The following CADPS variants were observed in gnomAD, a reference collection of about 807,000 sequenced individuals.
CADPS encodes the protein calcium-dependent secretion activator 1.
In CADPS, 57 loss-of-function variants were observed where a neutral mutation model predicts 167.3. The observed-to-expected ratio is 0.34, with a 90% CI of 0.28 to 0.42. The LOEUF (loss-of-function observed/expected upper bound fraction) is 0.42. Among genes scored for constraint, CADPS ranks in the 20% least tolerant of loss-of-function variants. The pLI is 1.00. For missense variants in CADPS, 1,414 were observed against 1,738.1 expected, an observed-to-expected ratio of 0.81 and a Z score of 3.32; for synonymous variants, 676 against 635.3, an observed-to-expected ratio of 1.06 and a Z score of -0.96.
rs148136386 is a variant in CADPS at position 62,823,098 on chromosome 3, A to G, written c.441+51491T>C. Among the ~76,000 whole-genome samples the G allele has an allele frequency of 2.7e-3, 405 of 152,300 alleles. 4 individuals carry two copies. Among genetic ancestry groups the G allele is most frequent in the African/African-American group, 9.5e-3 (393 of 41,572 alleles). On this transcript the variant is annotated intron_variant, in intron 1 of 29. Coordinates refer to ENST00000383710, the MANE Select transcript of CADPS (RefSeq NM_003716.4). ...ACTTTGTCTTGGTTTCTCCAAGAAT[A>G]TCTATTATCTTTTCAAAAATTAATA...
intron 1 of CADPS, among the ~76,000 whole-genome samples, chr3:62,825,436 T>A (rs374776760): frequency 5.1e-4 from 77 of 152,222 alleles, no homozygotes; most frequent in African/African-American, 1.7e-3. Context: ...TCAGACCTAC[T>A]AACTCTGAAA....
chr3:62,803,756 A>T (rs1254373740), intron 1 of CADPS, among the ~76,000 whole-genome samples: 2 of 152,160 alleles, frequency 1.3e-5, no homozygotes, highest in African/African-American at 4.8e-5. Context: ...GTCACCGTGT[A>T]GCTTAAAAAT....
intron 8 of CADPS, among the ~76,000 whole-genome samples, chr3:62,583,494 C>T (rs1468119802): frequency 6.6e-6 from 1 of 152,168 alleles, no homozygotes; most frequent in Non-Finnish European, 1.5e-5. Flanking sequence ...TGTACTTCAT[C>T]CTGGACACTT....
chr3:62,865,270 T>C (rs1254600504), intron 1 of CADPS, among the ~76,000 whole-genome samples: 4 of 151,842 alleles, frequency 2.6e-5, no homozygotes, highest in African/African-American at 7.3e-5. Flanking sequence ...TTAAGAGGCA[T>C]AGTAGATTCT....
At chr3:62,481,368 A>G (rs1336146101) in intron 22 of CADPS, among the ~76,000 whole-genome samples, 1 of 152,180 alleles carries the variant, frequency 6.6e-6, no homozygotes, top group African/African-American at 2.4e-5. Context: ...CAGGCCAGAG[A>G]TGACTGGCCA....
intron 21 of CADPS, among the ~76,000 whole-genome samples, chr3:62,485,824 T>C (rs1349868471): frequency 1.3e-5 from 2 of 152,196 alleles, no homozygotes; most frequent in Non-Finnish European, 2.9e-5. Flanking sequence ...TCTTCAAGAA[T>C]GTTAGCATTG....
intron 3 of CADPS, among the ~76,000 whole-genome samples, chr3:62,740,579 A>C (rs2080000004): frequency 6.6e-6 from 1 of 152,134 alleles, no homozygotes. Flanking sequence ...TTTCTTCATC[A>C]TTCAAACCCA....
chr3:62,833,276 T>A (rs1215699113), intron 1 of CADPS, among the ~76,000 whole-genome samples: 7 of 152,028 alleles, frequency 4.6e-5, no homozygotes, highest in African/African-American at 1.7e-4. Context: ...GCCTCTTGAA[T>A]AGTTGGGACA....
intron 3 of CADPS, among the ~76,000 whole-genome samples, chr3:62,731,012 T>A (rs1193127665): frequency 6.6e-6 from 1 of 152,204 alleles, no homozygotes; most frequent in Non-Finnish European, 1.5e-5. Flanking sequence ...GAGATATAAC[T>A]ATGACCAGAA....
intron 1 of CADPS, among the ~76,000 whole-genome samples, chr3:62,787,005 A>C (rs1036178428): frequency 6.6e-6 from 1 of 152,130 alleles, no homozygotes; most frequent in African/African-American, 2.4e-5. Context: ...TTTTTTAAAA[A>C]ACCTCAAGCC....
chr3:62,696,732 T>G (rs183455920), intron 3 of CADPS, among the ~76,000 whole-genome samples: 1 of 152,228 alleles, frequency 6.6e-6, no homozygotes, highest in East Asian at 1.9e-4. Context: ...TCTGTTCACA[T>G]AACAGACTGG....
At chr3:62,502,467 T>C (rs1168066863) in intron 17 of CADPS, among the ~76,000 whole-genome samples, 1 of 152,098 alleles carries the variant, frequency 6.6e-6, no homozygotes. Flanking sequence ...ACAGAAAAAA[T>C]TGTCATGCAA....
intron 21 of CADPS, among the ~76,000 whole-genome samples, chr3:62,488,466 T>A (rs1001053217): frequency 1.3e-5 from 2 of 150,194 alleles, no homozygotes; most frequent in Admixed American, 6.6e-5. Context: ...TAGCACTGTT[T>A]TTATTATTTA....
intron 1 of CADPS, among the ~76,000 whole-genome samples, chr3:62,778,650 C>T (rs1033829850): frequency 1.3e-5 from 2 of 152,180 alleles, no homozygotes; most frequent in Admixed American, 6.5e-5. Context: ...GATGCCTATA[C>T]ACCCACCACA....
intron 6 of CADPS, among the ~76,000 whole-genome samples, chr3:62,637,622 T>A (rs1369305273): frequency 7.9e-5 from 12 of 152,228 alleles, no homozygotes; most frequent in Admixed American, 7.9e-4. Context: ...CAACCGAATT[T>A]ATGGAAAGGA....
chr3:62,602,462 G>C lies in CADPS; in HGVS notation c.1326-9714C>G, dbSNP rs570793278. 6.6e-6 allele frequency among the ~76,000 whole-genome samples: 1 copy of C among 152,094 alleles called. No homozygotes were observed. ...TCATTTCAAGGAATGAAAGTGCCGT[G>C]GTCCTGTTGCTAAGAAGGAAAGTTA... is the stretch of plus-strand genomic sequence containing the variant. On this transcript the variant is annotated intron_variant, in intron 6 of 29. Coordinates refer to ENST00000383710, the MANE Select transcript of CADPS (RefSeq NM_003716.4). This position sits in a 1 kb window ranked among gnomAD's most constrained non-coding sequence, Gnocchi z 4.4.
intron 28 of CADPS, among the ~76,000 whole-genome samples, chr3:62,428,968 C>T (rs911244795): frequency 3.3e-5 from 5 of 152,166 alleles, no homozygotes; most frequent in South Asian, 2.1e-4. Context: ...GTGCCAAAGA[C>T]GAGAAACTTT....
intron 3 of CADPS, among the ~76,000 whole-genome samples, chr3:62,702,821 G>C (rs2081633785): frequency 6.6e-6 from 1 of 152,118 alleles, no homozygotes; most frequent in African/African-American, 2.4e-5. Context: ...GTATGGGTAG[G>C]GGCTACCATG....
chr3:62,600,917 G>C (rs1265092974), intron 6 of CADPS, among the ~76,000 whole-genome samples: 1 of 152,134 alleles, frequency 6.6e-6, no homozygotes, highest in Non-Finnish European at 1.5e-5. Flanking sequence ...TCAGGAGTAT[G>C]AGGCCAGCCT....
Sources: allele counts gnomAD v4.1 joint callset (sites outside exome capture counted in the v4.1 genomes callset), GRCh38; gene constraint gnomAD v4.1.1; non-coding constraint Gnocchi (gnomAD v3.1); transcripts MANE v1.5; gene names NCBI Gene and HGNC (gene_info 2026-07-23, HGNC 2026-07-21).